SLC24A2: variants seen among roughly 807,000 people sequenced by gnomAD.
The protein encoded by SLC24A2 is solute carrier family 24 member 2, also known as sodium/potassium/calcium exchanger 2.
In SLC24A2, 36 loss-of-function variants were observed where a neutral mutation model predicts 62.0. The observed-to-expected ratio is 0.58, with a 90% CI of 0.44 to 0.77. The LOEUF is 0.77. Ranked by LOEUF, SLC24A2 falls within the 30% of genes least tolerant of loss-of-function variation. The pLI, the probability that SLC24A2 is intolerant of heterozygous loss-of-function variation, is 0.00. For missense variants in SLC24A2, 846 were observed against 817.9 expected (o/e 1.03, Z -0.42); for synonymous variants, 358 against 294.0 (o/e 1.22, Z -2.23).
At chr9:19,758,602 C>T (rs1212970104) in intron 2 of SLC24A2, among the ~76,000 whole-genome samples, 1 of 152,006 alleles carries the variant, frequency 6.6e-6, no homozygotes, top group Admixed American at 6.6e-5. Flanking sequence ...TATAAAGCAA[C>T]AAGAGATCAA....
rs981896020 is a variant in SLC24A2 at position 19,669,635 on chromosome 9, G to A, written c.931-47336C>T. 2.6e-5 allele frequency among the ~76,000 whole-genome samples: 4 copies of A among 152,132 alleles called. 1 individual carries two copies. The highest frequency in any genetic ancestry group is 4.1e-4 in the South Asian group (2 of 4,824). ...ATTTCCTTGCCTTTCCCAGCTTCTA[G>A]GGGTTACCCACATTTCTTGGCCTGT... On this transcript the variant is annotated intron_variant, in intron 2 of 10. Transcript: ENST00000341998.
At chr9:20,084,630 C>A in the SLC24A2 span, among the ~76,000 whole-genome samples, 5 of 152,062 alleles carry the variant, frequency 3.3e-5, no homozygotes, top group Non-Finnish European at 7.4e-5. Context: ...AACAAGACCT[C>A]ATTCATTGCT....
the SLC24A2 span, among the ~76,000 whole-genome samples, chr9:19,947,522 G>A: frequency 1.6e-3 from 242 of 152,096 alleles, 5 homozygotes; most frequent in East Asian, 0.045. Context: ...CGGGTGTGGT[G>A]GCTCACACCT....
intron 2 of SLC24A2, among the ~76,000 whole-genome samples, chr9:19,744,739 T>C (rs1347161123): frequency 6.6e-6 from 1 of 152,206 alleles, no homozygotes; most frequent in African/African-American, 2.4e-5. Flanking sequence ...AAATACTTCA[T>C]TAGCCCCAAC....
At position 19,516,288 on chromosome 9, in the gene SLC24A2, G is replaced by A. The variant is rs1048842356; in HGVS notation, c.1851C>T (p.Val617=). The change falls in exon 11 of 11, where the codon GTC becomes GTT. Residue 617 remains valine, a synonymous_variant. Transcript: ENST00000341998. Reference sequence around the variant, plus strand: ...ACTTGCAGAGGGCGATAGAGAGGATGACGAAGAGCAGCATGATGAAGAGAA... The same window carrying A: ...ACTTGCAGAGGGCGATAGAGAGGATAACGAAGAGCAGCATGATGAAGAGAA... ...IVLLFIMLLF[V]ILSIALCKWR... The A allele has an allele frequency of 6.2e-7, 1 of 1,614,198 alleles. No individual in the cohort carries two copies. Among genetic ancestry groups the A allele is most frequent in the Non-Finnish European group, 8.5e-7 (1 of 1,180,030 alleles).
At chr9:20,104,903 A>C in the SLC24A2 span, among the ~76,000 whole-genome samples, 2 of 152,258 alleles carry the variant, frequency 1.3e-5, no homozygotes, top group African/African-American at 4.8e-5. Context: ...ACACACTGGC[A>C]AACTGGATAA....
chr9:20,204,787 A>G, the SLC24A2 span, among the ~76,000 whole-genome samples: 1 of 143,748 alleles, frequency 7.0e-6, no homozygotes. Flanking sequence ...TCTGTCACCC[A>G]GGCTGGAATG....
intron 2 of SLC24A2, among the ~76,000 whole-genome samples, chr9:19,740,667 C>G (rs995840936): frequency 6.6e-6 from 1 of 152,012 alleles, no homozygotes; most frequent in Admixed American, 6.6e-5. Context: ...TGAGCTGTAA[C>G]TAAACATCTG....
chr9:19,636,424 T>TTCTTTC (rs879519167), intron 2 of SLC24A2, among the ~76,000 whole-genome samples: 1 of 17,090 alleles, frequency 5.9e-5, no homozygotes, highest in African/African-American at 2.3e-4. Context: ...TCTTTCCTCT[T>TTCTTTC]CTCTTCTCTT....
At chr9:19,743,305 T>G (rs998739993) in intron 2 of SLC24A2, among the ~76,000 whole-genome samples, 1 of 152,216 alleles carries the variant, frequency 6.6e-6, no homozygotes, top group African/African-American at 2.4e-5. Context: ...CATACACTGA[T>G]GTGTAATCCA....
the SLC24A2 span, among the ~76,000 whole-genome samples, chr9:20,084,790 A>G: frequency 6.6e-6 from 1 of 152,170 alleles, no homozygotes; most frequent in East Asian, 1.9e-4. Flanking sequence ...GGGCTTTAAC[A>G]ATGAAAGTAC....
At chr9:19,689,932 T>A (rs1819994444) in intron 2 of SLC24A2, among the ~76,000 whole-genome samples, 1 of 152,080 alleles carries the variant, frequency 6.6e-6, no homozygotes, top group African/African-American at 2.4e-5. Flanking sequence ...GTATGCATCA[T>A]CCAAACTACT....
the SLC24A2 span, among the ~76,000 whole-genome samples, chr9:19,950,217 T>C: frequency 6.6e-6 from 1 of 152,182 alleles, no homozygotes; most frequent in Admixed American, 6.5e-5. Flanking sequence ...ATCTTCCTTA[T>C]AGGGTTGTTG....
intron 2 of SLC24A2, among the ~76,000 whole-genome samples, chr9:19,730,362 T>C (rs1160745413): frequency 6.6e-6 from 1 of 152,188 alleles, no homozygotes; most frequent in Non-Finnish European, 1.5e-5. Flanking sequence ...GGATAAATAA[T>C]TACATAAATA....
chr9:20,045,557 GAGT>G, the SLC24A2 span, among the ~76,000 whole-genome samples: 2 of 152,008 alleles, frequency 1.3e-5, no homozygotes, highest in Non-Finnish European at 2.9e-5. Context: ...TCAGCCTCCT[GAGT>G]AGCTAGGATT....
At chr9:20,227,875 C>T in the SLC24A2 span, among the ~76,000 whole-genome samples, 62,146 of 151,966 alleles carry the variant, frequency 0.41, 14,960 homozygotes, top group East Asian at 0.76. Flanking sequence ...TACATATTTT[C>T]TTCCCAAAGG....
At chr9:19,703,769 T>C (rs1024264833) in intron 2 of SLC24A2, among the ~76,000 whole-genome samples, 7 of 152,160 alleles carry the variant, frequency 4.6e-5, no homozygotes, top group African/African-American at 1.7e-4. Flanking sequence ...AATGCACATA[T>C]ATGACAGGAA....
chr9:20,186,634 C>G, the SLC24A2 span, among the ~76,000 whole-genome samples: 5 of 152,118 alleles, frequency 3.3e-5, no homozygotes, highest in African/African-American at 1.2e-4. Flanking sequence ...TTTTTACAAT[C>G]TCCAACCGCA....
chr9:20,298,348 C>T, the SLC24A2 span, among the ~76,000 whole-genome samples: 1 of 152,196 alleles, frequency 6.6e-6, no homozygotes, highest in Non-Finnish European at 1.5e-5. Context: ...CCTGCCTTGG[C>T]CTCCCAAGTA....
Sources: allele counts gnomAD v4.1 joint callset (sites outside exome capture counted in the v4.1 genomes callset), GRCh38; gene constraint gnomAD v4.1.1; transcripts MANE v1.5; gene names NCBI Gene and HGNC (gene_info 2026-07-23, HGNC 2026-07-21).